Variants in ADARB2 observed in about 807,000 individuals in gnomAD.
ADARB2 encodes adenosine deaminase RNA specific B2 (inactive), also known as inactive double-stranded RNA-specific editase B2.
Under a neutral mutation model 62.2 loss-of-function variants are expected in ADARB2, and 25 were observed. That is an observed-to-expected ratio of 0.40 (90% CI 0.29 to 0.56). The LOEUF (loss-of-function observed/expected upper bound fraction) is 0.56, where lower values mean the gene tolerates loss of function less well. Among genes scored for constraint, ADARB2 ranks in the 20% least tolerant of loss-of-function variants. ADARB2 has a pLI of 0.43. For synonymous variants in ADARB2, 572 were observed against 500.8 expected, an observed-to-expected ratio of 1.14 and a Z score of -1.90; for missense variants, 1,071 against 1,077.4, an observed-to-expected ratio of 0.99 and a Z score of 0.08.
chr10:1,653,047 G>A (rs148680460), intron 1 of ADARB2, among the ~76,000 whole-genome samples: 1 of 152,222 alleles, frequency 6.6e-6, no homozygotes, highest in Admixed American at 6.5e-5. Flanking sequence ...CAATCACAGA[G>A]TGCTTGGAAA....
Position 1,659,482 on chromosome 10 carries a change from G to C in ADARB2, c.100+77569C>G, listed in dbSNP as rs545684828. On this transcript the variant is annotated intron_variant, in intron 1 of 9. Transcript: ENST00000381312. ...GAAACACGATTCAGACAGTGGGAGC[G>C]GGGTGATCCCTCTTCCCTGGAAGGA... is the stretch of plus-strand genomic sequence containing the variant. Among the ~76,000 whole-genome samples the C allele has an allele frequency of 2.3e-3, 343 of 152,368 alleles. 1 individual carries two copies. Among genetic ancestry groups the C allele is most frequent in the African/African-American group, 7.6e-3 (318 of 41,598 alleles).
chr10:1,526,811 G>A (rs1190647433), intron 1 of ADARB2: 3 of 515,492 alleles, frequency 5.8e-6, no homozygotes. Context: ...GCACCTCCCT[G>A]ACTCACGCAC....
At chr10:1,730,308 A>C (rs1588369503) in intron 1 of ADARB2, among the ~76,000 whole-genome samples, 1 of 152,194 alleles carries the variant, frequency 6.6e-6, no homozygotes, top group Non-Finnish European at 1.5e-5. Flanking sequence ...TAACACCAAA[A>C]ATAATAACTG....
chr10:1,208,059 A>T (rs1417220281), intron 7 of ADARB2, among the ~76,000 whole-genome samples: 2 of 152,154 alleles, frequency 1.3e-5, no homozygotes, highest in Non-Finnish European at 2.9e-5. Context: ...GGCACTCCTA[A>T]CCTTACCTTG....
intron 3 of ADARB2, among the ~76,000 whole-genome samples, chr10:1,308,080 TAAAA>T (rs1005906412): frequency 8.8e-6 from 1 of 113,752 alleles, no homozygotes; most frequent in Non-Finnish European, 2.0e-5. Flanking sequence ...TAAAGTATAA[TAAAA>T]AAAATAAATT....
At chr10:1,621,768 A>G (rs1298183958) in intron 1 of ADARB2, among the ~76,000 whole-genome samples, 1 of 152,258 alleles carries the variant, frequency 6.6e-6, no homozygotes, top group Non-Finnish European at 1.5e-5. Flanking sequence ...CAGTAATGTC[A>G]AGATGTCAAG....
At chr10:1,736,541 A>T (rs549819770) in intron 1 of ADARB2, among the ~76,000 whole-genome samples, 1 of 152,376 alleles carries the variant, frequency 6.6e-6, no homozygotes, top group South Asian at 2.1e-4. Context: ...CAATGTTTAC[A>T]AATCGACGGG....
intron 1 of ADARB2, among the ~76,000 whole-genome samples, chr10:1,472,085 T>C (rs578180208): frequency 5.9e-5 from 9 of 152,374 alleles, no homozygotes; most frequent in African/African-American, 2.2e-4. Context: ...ATTGAGCCTC[T>C]ACTGAGTGCC....
At chr10:1,686,584 C>G (rs750197215) in intron 1 of ADARB2, among the ~76,000 whole-genome samples, 23 of 152,134 alleles carry the variant, frequency 1.5e-4, no homozygotes, top group Non-Finnish European at 3.1e-4. Flanking sequence ...AGTAAGGAAA[C>G]GTACGGGACT....
chr10:1,260,395 A>T (rs1208343016), intron 4 of ADARB2, among the ~76,000 whole-genome samples: 4 of 152,002 alleles, frequency 2.6e-5, no homozygotes, highest in Admixed American at 2.0e-4. Flanking sequence ...TTGTATATCT[A>T]GAAAACCCCA....
chr10:1,219,828 A>T (rs568142808), intron 6 of ADARB2, among the ~76,000 whole-genome samples: 2 of 138,106 alleles, frequency 1.4e-5, no homozygotes, highest in South Asian at 4.7e-4. Context: ...GATGGTAATG[A>T]TGGTGGTGAT....
chr10:1,394,396 G>T (rs1832594063), intron 1 of ADARB2, among the ~76,000 whole-genome samples: 1 of 152,218 alleles, frequency 6.6e-6, no homozygotes, highest in South Asian at 2.1e-4. Context: ...CCTGTTAAGT[G>T]CCTCAGCTTC....
At chr10:1,213,415 C>T (rs1165037524) in intron 7 of ADARB2, among the ~76,000 whole-genome samples, 1 of 152,096 alleles carries the variant, frequency 6.6e-6, no homozygotes, top group Non-Finnish European at 1.5e-5. Flanking sequence ...GAACCAGTAC[C>T]AGAACCAGAA....
chr10:1,445,381 C>A (rs574632623), intron 1 of ADARB2, among the ~76,000 whole-genome samples: 25 of 151,848 alleles, frequency 1.6e-4, no homozygotes, highest in Middle Eastern at 3.4e-3. Flanking sequence ...TCCATCCATT[C>A]ATCCACCCAT....
chr10:1,550,161 T>TC (rs1394120361), intron 1 of ADARB2, among the ~76,000 whole-genome samples: 1 of 152,002 alleles, frequency 6.6e-6, no homozygotes, highest in Non-Finnish European at 1.5e-5. Context: ...CTGGAACCCC[T>TC]CCCCGCTGCA....
intron 1 of ADARB2, among the ~76,000 whole-genome samples, chr10:1,409,188 ACCCGC>A: frequency 7.0e-6 from 1 of 142,456 alleles, no homozygotes; most frequent in South Asian, 2.3e-4. Context: ...GCCTTCCTCG[ACCCGC>A]CCTGCCTGAC....
intron 3 of ADARB2, among the ~76,000 whole-genome samples, chr10:1,281,030 CATGAGA>C (rs1210614464): frequency 6.6e-6 from 1 of 152,178 alleles, no homozygotes; most frequent in Non-Finnish European, 1.5e-5. Context: ...GAGAGAAATC[CATGAGA>C]AAAAGACAAA....
intron 6 of ADARB2, among the ~76,000 whole-genome samples, chr10:1,228,729 T>G (rs1830770930): frequency 2.6e-5 from 4 of 152,166 alleles, no homozygotes; most frequent in Admixed American, 2.6e-4. Context: ...TTCCCCTCGG[T>G]CGCATGCGAT....
chr10:1,488,221 C>CAAAAAAAAAAAAAAAAAAAAA (rs573554204), intron 1 of ADARB2, among the ~76,000 whole-genome samples: 1 of 130,336 alleles, frequency 7.7e-6, no homozygotes. Context: ...TCAGATTTGG[C>CAAAAAAAAAAAAAAAAAAAAA]AAAGAAAAAA....
Sources: gnomAD v4.1 joint callset for allele counts (sites outside exome capture counted in the v4.1 genomes callset) on GRCh38, gnomAD v4.1.1 for gene constraint, MANE v1.5 for transcripts, NCBI Gene and HGNC (gene_info 2026-07-23, HGNC 2026-07-21) for gene names.